AP3S2: variants seen among roughly 807,000 people sequenced by gnomAD.
AP3S2 encodes AP-3 complex subunit sigma-2.
AP3S2 carries 22 observed loss-of-function variants against 23.4 expected under a neutral mutation model. The ratio of observed to expected loss-of-function variants is 0.94; its 90% confidence interval spans 0.67 to 1.34. The LOEUF (loss-of-function observed/expected upper bound fraction) is 1.34. Among genes scored for constraint, AP3S2 ranks in the 40% most tolerant of loss-of-function variants. AP3S2 has a pLI of 0.00. For missense variants in AP3S2, 241 were observed against 236.9 expected (o/e 1.02, Z -0.11); for synonymous variants, 86 against 87.1 (o/e 0.99, Z 0.07).
chr15:89,850,391 C>T (rs995188550), intron 4 of AP3S2, among the ~76,000 whole-genome samples: 14 of 152,148 alleles, frequency 9.2e-5, no homozygotes, highest in Non-Finnish European at 1.5e-4. Context: ...TCAGATGAAA[C>T]GGCTGGCTGG....
chr15:89,852,063 G>C (rs1895669158), intron 4 of AP3S2, among the ~76,000 whole-genome samples: 1 of 152,172 alleles, frequency 6.6e-6, no homozygotes, highest in South Asian at 2.1e-4. Context: ...GCAGAGTGTA[G>C]AGGGAGCGGG....
Position 89,871,480 on chromosome 15 carries a change from C to A in AP3S2, c.340G>T (p.Asp114Tyr). The change falls in exon 4 of 6, where the codon GAT (aspartate) becomes TAT (tyrosine). Residue 114 changes from aspartate to tyrosine, a missense_variant. By Grantham distance (160) the Asp-to-Tyr change is radical. Transcript: ENST00000336418. Reference protein sequence around the residue: ...VCELDLIFHMDKVHYILQEVV... With the variant: ...VCELDLIFHMYKVHYILQEVV... ...AGAACTGCAAGAGAATATACCTTAT[C>A]CATATGGAAGATCAAATCCAATTCA... is the stretch of plus-strand genomic sequence containing the variant. 6.2e-7 allele frequency: 1 copy of A among 1,613,536 alleles called. No individual in the cohort carries two copies. The highest frequency in any genetic ancestry group is 1.1e-5 in the South Asian group (1 of 90,938).
intron 4 of AP3S2, among the ~76,000 whole-genome samples, chr15:89,865,117 C>T (rs1596205011): frequency 6.6e-6 from 1 of 152,232 alleles, no homozygotes; most frequent in East Asian, 1.9e-4. Context: ...AAGTTTATTT[C>T]TCTCATACTA....
intron 1 of AP3S2, 108 bp from the exon 2 acceptor site, chr15:89,889,248 A>G: frequency 8.8e-7 from 1 of 1,136,658 alleles, no homozygotes; most frequent in Non-Finnish European, 1.3e-6. Context: ...ACATCTAAAC[A>G]TTTAGTACTT....
In AP3S2 at chr15:89,859,230, CTTCT is replaced by C. The variant is rs374287213; in HGVS notation, c.345+12241_345+12244del. On this transcript the variant is annotated intron_variant, in intron 4 of 5. Transcript: ENST00000336418. ...TGCTTCCTTTCTCTTTCTTTCTTTCCTTCTTTCTTTCTTTTTCCCTCCTTCCTTC... is the reference window on the plus strand; with the variant it reads ...TGCTTCCTTTCTCTTTCTTTCTTTCCTTCTTTCTTTTTCCCTCCTTCCTTC... Among the ~76,000 whole-genome samples, 587 of 142,026 alleles carry C rather than the reference CTTCT, an allele frequency of 4.1e-3. 5 individuals carry two copies. Among genetic ancestry groups the C allele is most frequent in the Middle Eastern group, 0.016 (4 of 246 alleles). 93.2% of individuals were successfully genotyped at this position (142,026 alleles called of 152,430 possible). A position where few individuals can be genotyped will look rare whatever the true frequency, so the allele number is the denominator to read the frequency against.
chr15:89,887,334 C>A (rs1896722273), intron 3 of AP3S2, among the ~76,000 whole-genome samples: 1 of 152,034 alleles, frequency 6.6e-6, no homozygotes, highest in Non-Finnish European at 1.5e-5. Flanking sequence ...CTTAAGAAAA[C>A]AAATTTTGTT....
intron 4 of AP3S2, among the ~76,000 whole-genome samples, chr15:89,859,313 TTTCC>T (rs1230342290): frequency 2.1e-4 from 32 of 150,016 alleles, no homozygotes; most frequent in Middle Eastern, 3.4e-3. Flanking sequence ...CCTTCCTTCC[TTTCC>T]TTCCTTCCTT....
At chr15:89,889,757 G>A (rs149520966) in intron 1 of AP3S2, among the ~76,000 whole-genome samples, 1,593 of 151,398 alleles carry the variant, frequency 0.011, 28 homozygotes, top group African/African-American at 0.037. Context: ...CCAGCTACTC[G>A]GGAGGCTGAG....
rs751690995 is a variant in AP3S2, at chr15:89,864,467, C to CT, written c.345+7007dup. On this transcript the variant is annotated intron_variant, in intron 4 of 5. Transcript: ENST00000336418. ...ACCAAAAAAACCTATAGCAAATACT[C>CT]TACTTCATGGTGACAGGATGAAAGC... 8.5e-5 allele frequency among the ~76,000 whole-genome samples: 13 copies of CT among 152,298 alleles called. No homozygotes were observed. In the South Asian group the frequency reaches 1.4e-3, roughly 17 times the overall value.
chr15:89,887,502 G>C (rs541133221), intron 3 of AP3S2, among the ~76,000 whole-genome samples: 54 of 151,752 alleles, frequency 3.6e-4, no homozygotes, highest in Non-Finnish European at 5.9e-4. Context: ...CTCCCGAGTA[G>C]CTGGGATTAC....
intron 4 of AP3S2, among the ~76,000 whole-genome samples, chr15:89,843,053 C>T (rs1205820167): frequency 6.6e-6 from 1 of 151,972 alleles, no homozygotes; most frequent in Non-Finnish European, 1.5e-5. Flanking sequence ...GGCGCGATCT[C>T]CGCTCACCAC....
chr15:89,867,036 C>A (rs1335042775), intron 4 of AP3S2, among the ~76,000 whole-genome samples: 1 of 132,464 alleles, frequency 7.5e-6, no homozygotes, highest in Non-Finnish European at 1.6e-5. Context: ...CTCTCCCTCT[C>A]CCTCTCCCTC....
Position 89,837,714 on chromosome 15 carries a change from G to A in AP3S2, c.354C>T (p.Tyr118=). The A allele has an allele frequency of 6.2e-7, 1 of 1,614,124 alleles. No individual in the cohort carries two copies. Among genetic ancestry groups the A allele is most frequent in the Non-Finnish European group, 8.5e-7 (1 of 1,179,980 alleles). ...DLIFHMDKVH[Y]ILQEVVMGGM... ...CACCCATCACCACCTCCTGGAGGAT[G>A]TAGTGCACCTAAAAGGGAAGCAAAA... is the stretch of plus-strand genomic sequence containing the variant. The change falls in exon 5 of 6, where the codon TAC becomes TAT. Residue 118 remains tyrosine (Y), a synonymous_variant. Coordinates refer to ENST00000336418, the MANE Select transcript of AP3S2 (RefSeq NM_005829.5).
At chr15:89,849,408 T>C (rs982753593) in intron 4 of AP3S2, among the ~76,000 whole-genome samples, 33 of 152,166 alleles carry the variant, frequency 2.2e-4, no homozygotes, top group East Asian at 1.2e-3. Context: ...ACTCTGTCGC[T>C]CAGGCTGGAG....
intron 4 of AP3S2, among the ~76,000 whole-genome samples, chr15:89,868,599 C>A (rs1156761619): frequency 8.1e-6 from 1 of 123,782 alleles, no homozygotes; most frequent in Non-Finnish European, 1.7e-5. Flanking sequence ...CCAGCCGCCC[C>A]GTCTGGGAGG....
chr15:89,874,168 G>A (rs1045142797), intron 3 of AP3S2, among the ~76,000 whole-genome samples: 1 of 150,538 alleles, frequency 6.6e-6, no homozygotes, highest in African/African-American at 2.4e-5. Flanking sequence ...TTTATATGGT[G>A]TCCATTTTTA....
chr15:89,863,470 GGA>G (rs1896050313), intron 4 of AP3S2, among the ~76,000 whole-genome samples: 1 of 152,064 alleles, frequency 6.6e-6, no homozygotes, highest in African/African-American at 2.4e-5. Context: ...TGTGTGTCGG[GGA>G]GAGACAGAAA....
In AP3S2 at chr15:89,833,746, T is replaced by A. The variant is rs1313025754; in HGVS notation, c.*1769A>T. ...AAGCGGCCCACCTTCTGACCCACAC[T>A]GCCCATCTCTGTGCTTATCATGGAG... On this transcript the variant is annotated 3_prime_UTR_variant, in exon 6 of 6. Transcript: ENST00000336418. 1 of 152,262 alleles carries A rather than the reference T, an allele frequency of 6.6e-6. No homozygotes were observed. The highest frequency in any genetic ancestry group is 1.5e-5 in the Non-Finnish European group (1 of 68,042). 9.4% of individuals were successfully genotyped at this position (152,262 alleles called of 1,614,324 possible).
intron 5 of AP3S2, among the ~76,000 whole-genome samples, chr15:89,836,451 G>C (rs1482267487): frequency 6.6e-6 from 1 of 152,196 alleles, no homozygotes; most frequent in African/African-American, 2.4e-5. Flanking sequence ...GCAACTGCTT[G>C]CCAACTAATA....
Sources: allele counts gnomAD v4.1 joint callset (sites outside exome capture counted in the v4.1 genomes callset), GRCh38; gene constraint gnomAD v4.1.1; transcripts MANE v1.5; gene names NCBI Gene and HGNC (gene_info 2026-07-23, HGNC 2026-07-21).